PSG7: variants seen among roughly 807,000 people sequenced by gnomAD.
PSG7 encodes the protein pregnancy-specific beta-1-glycoprotein 7.
PSG7 carries 57 observed loss-of-function variants against 45.6 expected under a neutral mutation model. The observed-to-expected ratio is 1.25, with a 90% confidence interval of 1.01 to 1.56. The LOEUF (loss-of-function observed/expected upper bound fraction) is 1.56. PSG7 is among the 40% of genes most tolerant of loss of function. The pLI is 0.00. For missense variants in PSG7, 796 were observed against 508.4 expected, an observed-to-expected ratio of 1.57 and a Z score of -5.44; for synonymous variants, 298 against 194.4, an observed-to-expected ratio of 1.53 and a Z score of -4.43.
intron 2 of PSG7, among the ~76,000 whole-genome samples, chr19:42,930,999 C>T (rs1246120783): frequency 6.6e-6 from 1 of 151,518 alleles, no homozygotes; most frequent in Non-Finnish European, 1.5e-5. Flanking sequence ...CCACAATGCG[C>T]CAGTGAGCAC....
chr19:42,937,007 C>A lies in PSG7; in HGVS notation c.64+6G>T, dbSNP rs767539671. The A allele has an allele frequency of 6.2e-7, 1 of 1,611,018 alleles. No individual in the cohort carries two copies. Among genetic ancestry groups the A allele is most frequent in the Non-Finnish European group, 8.5e-7 (1 of 1,178,302 alleles). On this transcript the variant is annotated splice_donor_region_variant and intron_variant, in intron 1 of 5. Coordinates refer to ENST00000406070, the MANE Select transcript of PSG7 (RefSeq NM_002783.3). ...CCTGTCCTCTCCCAGGAAGTTCTCT[C>A]CTCACCTGTGAGCAGGAGCCCTTTC...
intron 2 of PSG7, among the ~76,000 whole-genome samples, chr19:42,931,814 C>T (rs28704748): frequency 0.021 from 3,178 of 151,484 alleles, 165 homozygotes; most frequent in African/African-American, 0.073. Context: ...TTGTAGTTGT[C>T]CCACAACTAC....
Position 42,936,874 on chromosome 19 carries a change from C to G in PSG7, c.64+139G>C, listed in dbSNP as rs1359905996. 1.1e-5 allele frequency: 14 copies of G among 1,325,868 alleles called. No individual in the cohort carries two copies. The Admixed American group carries it at 1.6e-4, about 15-fold the overall frequency. The allele number at this position is 1,325,868 out of a possible 1,614,324, so 82.1% of individuals were successfully genotyped here. A position where few individuals can be genotyped will look rare whatever the true frequency, so the allele number is the denominator to read the frequency against. ...GTGTTGGCCAGACTGATCTTGAACT[C>G]CTGATCTCTTGATCCACCCACCTCA... On this transcript the variant is annotated intron_variant, in intron 1 of 5. Coordinates refer to ENST00000406070, the MANE Select transcript of PSG7 (RefSeq NM_002783.3).
intron 3 of PSG7, 178 bp from the exon 4 acceptor site, chr19:42,926,894 G>A (rs1972906475): frequency 8.3e-7 from 1 of 1,206,004 alleles, no homozygotes; most frequent in Non-Finnish European, 1.1e-6. Context: ...AAGACTGTGA[G>A]GCCACCTGCT....
chr19:42,936,973 C>T (rs1287869921), intron 1 of PSG7, 40 bp downstream of exon 1: 1 of 1,606,546 alleles, frequency 6.2e-7, no homozygotes, highest in Non-Finnish European at 8.5e-7. Flanking sequence ...AGTCACTCTG[C>T]TTCCTTTTCC....
intron 4 of PSG7, 96 bp from the exon 5 acceptor site, chr19:42,926,123 C>T: frequency 1.3e-6 from 2 of 1,534,012 alleles, no homozygotes; most frequent in Non-Finnish European, 1.8e-6. Flanking sequence ...TGAGCCGAGA[C>T]ACACCCTCAA....
intron 2 of PSG7, among the ~76,000 whole-genome samples, chr19:42,931,679 C>A (rs551368763): frequency 4.0e-5 from 6 of 151,348 alleles, no homozygotes. Context: ...CTTATGAAAA[C>A]GGCATCATCA....
chr19:42,936,603 T>C (rs1973156983), intron 1 of PSG7: 3 of 183,386 alleles, frequency 1.6e-5, no homozygotes, highest in African/African-American at 7.2e-5. Flanking sequence ...TGGTGTATTT[T>C]CCCCTATCCA....
chr19:42,937,070 G>C lies in PSG7; in HGVS notation c.7C>G (p.Pro3Ala), dbSNP rs370284670. The part of the protein sequence containing the change: MG[P>A]LSAPPCTQHI... ...TGTGTGCAGGGAGGGGCTGAGAGGG[G>C]CCCCATGGTCTCTGCTCCCTGCGTG... Residue 3 changes from proline to alanine, a missense_variant, in exon 1 of 6, where the codon CCC (proline) becomes GCC (alanine). Transcript: ENST00000406070. 1 of 1,611,280 alleles carries C rather than the reference G, an allele frequency of 6.2e-7. No individual in the cohort carries two copies.
intron 2 of PSG7, among the ~76,000 whole-genome samples, chr19:42,931,972 A>T (rs370300397): frequency 2.6e-5 from 4 of 151,574 alleles, no homozygotes; most frequent in Admixed American, 6.6e-5. Flanking sequence ...TATTCTTTCC[A>T]CAGCTGTGTG....
intron 3 of PSG7, among the ~76,000 whole-genome samples, chr19:42,928,609 G>A (rs1181095859): frequency 1.3e-5 from 2 of 151,388 alleles, no homozygotes; most frequent in Non-Finnish European, 2.9e-5. Context: ...ATAGTCTGAA[G>A]AATGATCTAG....
chr19:42,934,247 C>T (rs935633327), intron 2 of PSG7, among the ~76,000 whole-genome samples: 1 of 151,424 alleles, frequency 6.6e-6, no homozygotes, highest in Non-Finnish European at 1.5e-5. Context: ...GTTGAGGCAG[C>T]TGATTTAGTT....
intron 2 of PSG7, among the ~76,000 whole-genome samples, chr19:42,933,286 TATATATATA>T (rs1973065315): frequency 6.8e-4 from 7 of 10,340 alleles, no homozygotes; most frequent in African/African-American, 1.5e-3. Flanking sequence ...TATATATATA[TATATATATA>T]TATATATATA....
chr19:42,924,999 G>C (rs1972494533), intron 5 of PSG7, 175 bp from the exon 6 acceptor site: 6 of 629,958 alleles, frequency 9.5e-6, no homozygotes, highest in Non-Finnish European at 1.7e-5. Context: ...CTTCAAACTT[G>C]GTCTGATTGT....
rs781088572 is a variant in PSG7 at position 42,929,461 on chromosome 19, T to A, written c.690A>T (p.Pro230=). The A allele has an allele frequency of 2.5e-6, 4 of 1,612,434 alleles. No individual in the cohort carries two copies. The highest frequency in any genetic ancestry group is 3.4e-6 in the Non-Finnish European group (4 of 1,179,156). Residue 230 remains proline (P), a synonymous_variant, in exon 3 of 6, where the codon CCA becomes CCT. Coordinates refer to ENST00000406070, the MANE Select transcript of PSG7 (RefSeq NM_002783.3). ...RNPVSASRSD[P]VTLNLLPKLP... The stretch of plus-strand genomic sequence containing the variant: ...ACTCACGGAGGAGATTCAGGGTGAC[T>A]GGGTCACTGCGGCTGGCACTCACTG...
Position 42,935,716 on chromosome 19 carries a change from C to G in PSG7, c.118G>C (p.Ala40Pro). 6.2e-7 allele frequency: 1 copy of G among 1,611,820 alleles called. No homozygotes were observed. Among genetic ancestry groups the G allele is most frequent in the East Asian group, 2.2e-5 (1 of 44,768 alleles). ...PPTTAQVTIE[A>P]QPPKVSEGKD... ...CCCTCGGAAACTTTTGGTGGCTGGG[C>G]TTCAATCGTGACTTGGGCTGTGGTG... The change falls in exon 2 of 6, where the codon GCC (alanine) becomes CCC (proline). Residue 40 changes from alanine to proline, a missense_variant. By Grantham distance (27) the Ala-to-Pro change is conservative (BLOSUM62 -1). Transcript: ENST00000406070.
chr19:42,934,171 G>A (rs1318413449), intron 2 of PSG7, among the ~76,000 whole-genome samples: 2 of 151,444 alleles, frequency 1.3e-5, no homozygotes, highest in Non-Finnish European at 2.9e-5. Flanking sequence ...CAGGATTTCA[G>A]GTTCAATGAT....
At chr19:42,925,612 G>C (rs572912889) in intron 5 of PSG7, 161 bp downstream of exon 5, 1 of 1,483,642 alleles carries the variant, frequency 6.7e-7, no homozygotes, top group Admixed American at 2.2e-5. Context: ...TAAAGTTTTC[G>C]AAGTTCTTAG....
Position 42,937,040 on chromosome 19 carries a change from T to C in PSG7, c.37A>G (p.Ile13Val). ...GTGAGCAGGAGCCCTTTCCAGGTTATATGCTGTGTGCAGGGAGGGGCTGAG... is the reference window on the plus strand; with the variant it reads ...GTGAGCAGGAGCCCTTTCCAGGTTACATGCTGTGTGCAGGGAGGGGCTGAG... The part of the protein sequence containing the change: ...PLSAPPCTQH[I>V]TWKGLLLTAS... The change falls in exon 1 of 6, where the codon ATA (isoleucine) becomes GTA (valine). Residue 13 changes from isoleucine (I) to valine (V), a missense_variant. Physicochemically the swap from Ile to Val is conservative, Grantham distance 29. Coordinates refer to ENST00000406070, the MANE Select transcript of PSG7 (RefSeq NM_002783.3). 1 of 1,611,614 alleles carries C rather than the reference T, an allele frequency of 6.2e-7. No individual in the cohort carries two copies. The highest frequency in any genetic ancestry group is 2.2e-5 in the East Asian group (1 of 44,776).
Sources: allele counts gnomAD v4.1 joint callset (sites outside exome capture counted in the v4.1 genomes callset), GRCh38; gene constraint gnomAD v4.1.1; transcripts MANE v1.5; gene names NCBI Gene and HGNC (gene_info 2026-07-23, HGNC 2026-07-21).